Variants in NANOG observed in about 807,000 individuals in gnomAD.
NANOG encodes the protein Nanog homeobox.
NANOG carries 2 observed loss-of-function variants against 17.7 expected under a neutral mutation model. The ratio of observed to expected loss-of-function variants is 0.11; its 90% CI spans 0.05 to 0.36. NANOG has a LOEUF of 0.36. Ranked by LOEUF, NANOG falls within the 10% of genes least tolerant of loss-of-function variation. The pLI is 1.00. For synonymous variants in NANOG, 81 were observed against 124.7 expected (o/e 0.65, Z 2.33); for missense variants, 174 against 362.1 (o/e 0.48, Z 4.22).
chr12:7,791,542 T>C (rs1422167033), intron 1 of NANOG, among the ~76,000 whole-genome samples: 1 of 152,216 alleles, frequency 6.6e-6, no homozygotes, highest in South Asian at 2.1e-4. Flanking sequence ...CTTCCTCTGC[T>C]TTTCAGATCT....
rs115123983 is a variant in NANOG, at chr12:7,796,060, A to G, written c.*965A>G. ...ATGAGTAAATATACAGCTTAAACAT[A>G]AATCTTTGTTAAATTTTTGGTTGGG... On this transcript the variant is annotated 3_prime_UTR_variant, in exon 4 of 4. Transcript: ENST00000229307. 2.0e-5 allele frequency: 3 copies of G among 152,326 alleles called. No individual in the cohort carries two copies. Among genetic ancestry groups the G allele is most frequent in the African/African-American group, 7.2e-5 (3 of 41,572 alleles). 9.4% of individuals were successfully genotyped at this position (152,326 alleles called of 1,614,324 possible).
intron 2 of NANOG, among the ~76,000 whole-genome samples, chr12:7,793,724 C>G (rs775258594): frequency 2.6e-5 from 4 of 152,004 alleles, no homozygotes; most frequent in Non-Finnish European, 5.9e-5. Flanking sequence ...ATTTTTGAGA[C>G]GGAGTCTCAC....
At chr12:7,791,219 C>G (rs1862836379) in intron 1 of NANOG, among the ~76,000 whole-genome samples, 1 of 151,460 alleles carries the variant, frequency 6.6e-6, no homozygotes, top group Non-Finnish European at 1.5e-5. Context: ...GGTGATTTCT[C>G]CTGTCTCAGT....
intron 1 of NANOG, among the ~76,000 whole-genome samples, chr12:7,791,880 T>G (rs1010733899): frequency 3.3e-5 from 5 of 152,176 alleles, no homozygotes; most frequent in Non-Finnish European, 7.4e-5. Flanking sequence ...CATTGAGAAC[T>G]GGGCAGTCAG....
At chr12:7,790,668 A>G (rs1174989833) in intron 1 of NANOG, among the ~76,000 whole-genome samples, 2 of 152,192 alleles carry the variant, frequency 1.3e-5, no homozygotes, top group Non-Finnish European at 2.9e-5. Context: ...TTATGACTAC[A>G]GTTGTAAAGA....
At chr12:7,793,295 T>TG in intron 2 of NANOG, 83 bp downstream of exon 2, 2 of 1,339,852 alleles carry the variant, frequency 1.5e-6, no homozygotes, top group Non-Finnish European at 2.1e-6. Flanking sequence ...TGCATGTAGA[T>TG]GTGTGTACTA....
chr12:7,789,479 CTT>C lies in NANOG; in HGVS notation c.-134_-133del, dbSNP rs1862803895. On this transcript the variant is annotated 5_prime_UTR_variant, in exon 1 of 4. The change creates a premature stop within an existing upstream ORF in the 5' untranslated region. Transcript: ENST00000229307. ...CTCATGTTATTATGCAGGCAACTCACTTTATCCCAATTTCTTGATACTTTTCC... is the reference window on the plus strand; with the variant it reads ...CTCATGTTATTATGCAGGCAACTCACTATCCCAATTTCTTGATACTTTTCC... The C allele has an allele frequency of 1.4e-6, 1 of 722,542 alleles. No homozygotes were observed. Among genetic ancestry groups the C allele is most frequent in the Non-Finnish European group, 2.3e-6 (1 of 435,734 alleles). The allele number at this position is 722,542 out of a possible 1,614,324, so 44.8% of individuals were successfully genotyped here. A position where few individuals can be genotyped will look rare whatever the true frequency, so the allele number is the denominator to read the frequency against.
intron 2 of NANOG, among the ~76,000 whole-genome samples, chr12:7,793,581 C>T (rs1862874650): frequency 6.6e-6 from 1 of 152,084 alleles, no homozygotes; most frequent in Non-Finnish European, 1.5e-5. Context: ...TTTCTGCCAG[C>T]AACTCCAGCT....
rs139688640 is a variant in NANOG, at chr12:7,790,509, G to C, written c.151+744G>C. Among the ~76,000 whole-genome samples the C allele has an allele frequency of 2.6e-3, 391 of 152,166 alleles. 1 individual carries two copies. Among genetic ancestry groups the C allele is most frequent in the African/African-American group, 9.2e-3 (380 of 41,526 alleles). ...TCTGACTGGTAGCTGCAAGGGGTGG[G>C]GGATACTCGGGATACTCATAAAGCC... On this transcript the variant is annotated intron_variant, in intron 1 of 3. Transcript: ENST00000229307.
In NANOG at chr12:7,797,970, A is replaced by C. The variant is rs1302901868; in HGVS notation, c.*2875A>C. 2.0e-5 allele frequency: 3 copies of C among 150,004 alleles called. No homozygotes were observed. Among genetic ancestry groups the C allele is most frequent in the Non-Finnish European group, 4.4e-5 (3 of 67,500 alleles). 9.3% of individuals were successfully genotyped at this position (150,004 alleles called of 1,614,324 possible). A position where few individuals can be genotyped will look rare whatever the true frequency, so the allele number is the denominator to read the frequency against. Reference sequence around the variant, plus strand: ...CCTAGCCCTGTATTATGTTTTCTGAACTTTTTTTTTTTTAATCACCCAGTA... The same window carrying C: ...CCTAGCCCTGTATTATGTTTTCTGACCTTTTTTTTTTTTAATCACCCAGTA... On this transcript the variant is annotated 3_prime_UTR_variant, in exon 4 of 4. Transcript: ENST00000229307.
chr12:7,790,228 A>G (rs1384959367), intron 1 of NANOG, among the ~76,000 whole-genome samples: 7 of 152,176 alleles, frequency 4.6e-5, no homozygotes, highest in African/African-American at 1.7e-4. Flanking sequence ...TCACGATGAG[A>G]TTTCTGTAAT....
rs1395830645 is a variant in NANOG, at chr12:7,796,037, G to T, written c.*942G>T. The T allele has an allele frequency of 6.6e-6, 1 of 152,056 alleles. No individual in the cohort carries two copies. Among genetic ancestry groups the T allele is most frequent in the Non-Finnish European group, 1.5e-5 (1 of 68,010 alleles). The allele number at this position is 152,056 out of a possible 1,614,324, so 9.4% of individuals were successfully genotyped here. On this transcript the variant is annotated 3_prime_UTR_variant, in exon 4 of 4. Transcript: ENST00000229307. ...CCCTGATTTCACCGAGTGTTTCAAT[G>T]AGTAAATATACAGCTTAAACATAAA...
rs202064081 is a variant in NANOG at position 7,795,649 on chromosome 12, T to TGCTAAGGACAACATTGATAAGAA, written c.*556_*557insTAAGGACAACATTGATAAGAAGC. 2 of 102,834 alleles carry TGCTAAGGACAACATTGATAAGAA rather than the reference T, an allele frequency of 1.9e-5. No homozygotes were observed. Among genetic ancestry groups the TGCTAAGGACAACATTGATAAGAA allele is most frequent in the Non-Finnish European group, 4.5e-5 (2 of 44,526 alleles). The allele number at this position is 102,834 out of a possible 1,614,324, so 6.4% of individuals were successfully genotyped here. On this transcript the variant is annotated 3_prime_UTR_variant, in exon 4 of 4. Transcript: ENST00000229307. Reference sequence around the variant, plus strand: ...GAAAAGACATTTTAATAACCTTGGCTGCCGTCTCTGGCTATAGATAAGTAG... The same window carrying TGCTAAGGACAACATTGATAAGAA: ...GAAAAGACATTTTAATAACCTTGGCTGCTAAGGACAACATTGATAAGAAGCCGTCTCTGGCTATAGATAAGTAG...
chr12:7,794,331 C>T (rs1360549150), intron 2 of NANOG, 126 bp from the exon 3 acceptor site: 4 of 885,342 alleles, frequency 4.5e-6, no homozygotes, highest in East Asian at 2.7e-5. Context: ...CCTTGGCCTT[C>T]CAAAGTGTTG....
chr12:7,793,133 A>G lies in NANOG; in HGVS notation c.335A>G (p.Asp112Gly). 6.2e-7 allele frequency: 1 copy of G among 1,609,662 alleles called. No homozygotes were observed. Among genetic ancestry groups the G allele is most frequent in the Non-Finnish European group, 8.5e-7 (1 of 1,176,044 alleles). The change falls in exon 2 of 4, where the codon GAT becomes GGT. Residue 112 changes from aspartate to glycine, a missense_variant. By Grantham distance (94) the Asp-to-Gly change is moderately conservative. This residue lies in a region of NANOG where 158 missense variants were observed against 244.2 expected (regional missense o/e 0.65). Coordinates refer to ENST00000229307, the MANE Select transcript of NANOG (RefSeq NM_024865.4). The part of the protein sequence containing the change: ...FSSTQLCVLN[D>G]RFQRQKYLSL... ...TCCACCCAGCTGTGTGTACTCAATGATAGATTTCAGAGACAGAAATACCTC... is the reference window on the plus strand; with the variant it reads ...TCCACCCAGCTGTGTGTACTCAATGGTAGATTTCAGAGACAGAAATACCTC...
In NANOG at chr12:7,793,006, A is replaced by G. The variant is rs770503113; in HGVS notation, c.208A>G (p.Thr70Ala). Reference protein sequence around the residue: ...LLIQDSPDSSTSPKGKQPTSA... With the variant: ...LLIQDSPDSSASPKGKQPTSA... The stretch of plus-strand genomic sequence containing the variant: ...TATTCAGGACAGCCCTGATTCTTCC[A>G]CCAGTCCCAAAGGCAAACAACCCAC... The change falls in exon 2 of 4, where the codon ACC becomes GCC. Residue 70 changes from threonine to alanine, a missense_variant. This residue lies in a region of NANOG where 158 missense variants were observed against 244.2 expected (regional missense o/e 0.65). Transcript: ENST00000229307. 19 of 1,609,392 alleles carry G rather than the reference A, an allele frequency of 1.2e-5. No homozygotes were observed. Among genetic ancestry groups the G allele is most frequent in the Admixed American group, 8.4e-5 (5 of 59,792 alleles).
chr12:7,798,299 C>A lies in NANOG; in HGVS notation c.*3204C>A, dbSNP rs1264258025. ...GGCGGAGGCAGGATAATCACTTGAA[C>A]CCGGGAGGTTGCAGTGACCCCAGAT... On this transcript the variant is annotated 3_prime_UTR_variant, in exon 4 of 4. Transcript: ENST00000229307. 1 of 152,180 alleles carries A rather than the reference C, an allele frequency of 6.6e-6. No individual in the cohort carries two copies. The highest frequency in any genetic ancestry group is 2.4e-5 in the African/African-American group (1 of 41,438). 9.4% of individuals were successfully genotyped at this position (152,180 alleles called of 1,614,324 possible).
chr12:7,796,725 T>TCTCC lies in NANOG; in HGVS notation c.*1630_*1631insCTCC. 1 of 151,634 alleles carries TCTCC rather than the reference T, an allele frequency of 6.6e-6. No homozygotes were observed. The highest frequency in any genetic ancestry group is 2.1e-4 in the South Asian group (1 of 4,768). 9.4% of individuals were successfully genotyped at this position (151,634 alleles called of 1,614,324 possible). On this transcript the variant is annotated 3_prime_UTR_variant, in exon 4 of 4. Coordinates refer to ENST00000229307, the MANE Select transcript of NANOG (RefSeq NM_024865.4). ...TATTTCCCCAATTGTCCAATGTTACTAAGACTATCCAGTCTAATTCCAAGT... is the reference window on the plus strand; with the variant it reads ...TATTTCCCCAATTGTCCAATGTTACTCTCCAAGACTATCCAGTCTAATTCCAAGT...
At position 7,797,162 on chromosome 12, in the gene NANOG, C is replaced by T. The variant is rs1469045484; in HGVS notation, c.*2067C>T. ...CTCCGCCTCCTGGGTTCGAGCAATT[C>T]TCCTGCGTCAGCCTCCTAAGTAGCT... On this transcript the variant is annotated 3_prime_UTR_variant, in exon 4 of 4. Coordinates refer to ENST00000229307, the MANE Select transcript of NANOG (RefSeq NM_024865.4). 1 of 152,274 alleles carries T rather than the reference C, an allele frequency of 6.6e-6. No homozygotes were observed. Among genetic ancestry groups the T allele is most frequent in the African/African-American group, 2.4e-5 (1 of 41,432 alleles). The allele number at this position is 152,274 out of a possible 1,614,324, so 9.4% of individuals were successfully genotyped here.
Sources: gnomAD v4.1 joint callset for allele counts (sites outside exome capture counted in the v4.1 genomes callset) on GRCh38, gnomAD v4.1.1 for gene constraint, gnomAD v4.1.1 regional missense constraint, MANE v1.5 for transcripts, NCBI Gene and HGNC (gene_info 2026-07-23, HGNC 2026-07-21) for gene names.